FNIP1: variants seen among roughly 807,000 people sequenced by gnomAD.
The protein encoded by FNIP1 is folliculin-interacting protein 1.
Under a neutral mutation model 124.5 loss-of-function variants are expected in FNIP1, and 40 were observed. The observed-to-expected ratio is 0.32, with a 90% CI of 0.25 to 0.42. The LOEUF is 0.42. Ranked by LOEUF, FNIP1 falls within the 10% of genes least tolerant of loss-of-function variation. FNIP1 has a pLI of 1.00. For missense variants in FNIP1, 1,176 were observed against 1,403.7 expected (o/e 0.84, Z 2.59); for synonymous variants, 472 against 470.6 (o/e 1.00, Z -0.04).
chr5:131,766,669 G>A (rs1357942784), intron 1 of FNIP1, among the ~76,000 whole-genome samples: 1 of 152,194 alleles, frequency 6.6e-6, no homozygotes, highest in Admixed American at 6.5e-5. Flanking sequence ...CGAGATGCAA[G>A]CAGCATGGCT....
intron 1 of FNIP1, among the ~76,000 whole-genome samples, chr5:131,764,280 T>C (rs942230551): frequency 1.3e-5 from 2 of 151,680 alleles, no homozygotes; most frequent in Non-Finnish European, 2.9e-5. Flanking sequence ...TATTTCTTTA[T>C]AGCAATACAA....
At chr5:131,790,304 C>T (rs1286369553) in intron 1 of FNIP1, among the ~76,000 whole-genome samples, 4 of 151,972 alleles carry the variant, frequency 2.6e-5, no homozygotes, top group Admixed American at 2.6e-4. Flanking sequence ...CGTGGCGAAA[C>T]CCCGTGTCTA....
At chr5:131,703,989 A>T (rs1423534030) in intron 10 of FNIP1, 76 bp downstream of exon 10, 1 of 1,282,534 alleles carries the variant, frequency 7.8e-7, no homozygotes, top group Non-Finnish European at 1.1e-6. Flanking sequence ...TTTTTCTGCC[A>T]AATTAATAAA....
In FNIP1 at chr5:131,748,017, A is replaced by G. The variant is rs1170246870; in HGVS notation, c.93-3327T>C. Among the ~76,000 whole-genome samples the G allele has an allele frequency of 2.6e-5, 4 of 152,170 alleles. No homozygotes were observed. The East Asian group carries it at 7.8e-4, about 30-fold the overall frequency. On this transcript the variant is annotated intron_variant, in intron 1 of 17. Coordinates refer to ENST00000510461, the MANE Select transcript of FNIP1 (RefSeq NM_133372.3). ...CATGGGTGCAGAAAGATTTGTAGAT[A>G]TGAAGGTAAGGTGCGGAGGGAATCC...
chr5:131,699,916 C>CAAAA (rs3033727), intron 10 of FNIP1, among the ~76,000 whole-genome samples: 3,528 of 91,632 alleles, frequency 0.039, 162 homozygotes, highest in Non-Finnish European at 0.054. Context: ...AAGACTGTTT[C>CAAAA]AAAAAAAAAA....
At chr5:131,711,489 G>C (rs1415715175) in intron 6 of FNIP1, among the ~76,000 whole-genome samples, 1 of 152,206 alleles carries the variant, frequency 6.6e-6, no homozygotes, top group Admixed American at 6.5e-5. Flanking sequence ...AGTGACAATT[G>C]CATGTTTCTT....
chr5:131,665,722 T>C (rs1371716260), intron 15 of FNIP1, among the ~76,000 whole-genome samples: 2 of 151,056 alleles, frequency 1.3e-5, no homozygotes, highest in Non-Finnish European at 2.9e-5. Flanking sequence ...CCCGAGTAGC[T>C]GGGATTACAG....
In FNIP1 at chr5:131,643,897, A is replaced by T. The variant is rs546306925; in HGVS notation, c.*788T>A. 6.5e-6 allele frequency: 1 copy of T among 152,730 alleles called. No individual in the cohort carries two copies. Among genetic ancestry groups the T allele is most frequent in the South Asian group, 2.1e-4 (1 of 4,834 alleles). 9.5% of individuals were successfully genotyped at this position (152,730 alleles called of 1,614,324 possible). ...ATATTTATAAGAACAGTTCATACTT[A>T]TAAACAAATGGTATAAAGTAGTATT... On this transcript the variant is annotated 3_prime_UTR_variant, in exon 18 of 18. Coordinates refer to ENST00000510461, the MANE Select transcript of FNIP1 (RefSeq NM_133372.3).
At chr5:131,671,418 T>C in intron 14 of FNIP1, 87 bp downstream of exon 14, 1 of 1,119,810 alleles carries the variant, frequency 8.9e-7, no homozygotes, top group Non-Finnish European at 1.3e-6. Flanking sequence ...CAATGATCTC[T>C]TTTATACTAA....
chr5:131,646,720 T>C (rs546734833), intron 17 of FNIP1, among the ~76,000 whole-genome samples: 1 of 152,300 alleles, frequency 6.6e-6, no homozygotes, highest in Admixed American at 6.5e-5. Flanking sequence ...GGATAACGTA[T>C]TACCATCTAC....
chr5:131,743,490 C>T (rs1770576464), intron 2 of FNIP1, among the ~76,000 whole-genome samples: 1 of 151,430 alleles, frequency 6.6e-6, no homozygotes. Flanking sequence ...TGAGAGACAC[C>T]AACAGACACC....
At chr5:131,646,377 A>G (rs954074527) in intron 17 of FNIP1, among the ~76,000 whole-genome samples, 1 of 152,254 alleles carries the variant, frequency 6.6e-6, no homozygotes, top group East Asian at 1.9e-4. Flanking sequence ...AAATAACACT[A>G]GTAAAAAATT....
At chr5:131,762,719 G>A (rs1252562515) in intron 1 of FNIP1, among the ~76,000 whole-genome samples, 2 of 152,022 alleles carry the variant, frequency 1.3e-5, no homozygotes, top group African/African-American at 4.8e-5. Flanking sequence ...CAGAATTACT[G>A]TATGATACAG....
intron 15 of FNIP1, 127 bp from the exon 16 acceptor site, chr5:131,652,126 T>TC: frequency 1.3e-6 from 1 of 760,862 alleles, no homozygotes. Flanking sequence ...TTTCAATATC[T>TC]CCTTGACCAA....
intron 14 of FNIP1, 91 bp downstream of exon 14, chr5:131,671,414 T>G: frequency 9.6e-7 from 1 of 1,040,142 alleles, no homozygotes; most frequent in Non-Finnish European, 1.4e-6. Flanking sequence ...AGAACAATGA[T>G]CTCTTTTATA....
intron 1 of FNIP1, among the ~76,000 whole-genome samples, chr5:131,746,193 T>TTCTTA (rs1238401395): frequency 1.3e-5 from 2 of 152,082 alleles, no homozygotes; most frequent in South Asian, 4.1e-4. Context: ...ACAATACAAA[T>TTCTTA]GACAGGACAG....
At position 131,672,884 on chromosome 5, in the gene FNIP1, T is replaced by G. The variant is rs145682124; in HGVS notation, c.1560A>C (p.Ala520=). ...GTCGTTTGCCAACTACCACAGTCCT[T>G]GCTAACCGTACGGGAGAGCCAATAG... is the stretch of plus-strand genomic sequence containing the variant. ...YGAIGSPVRL[A]RTVVVGKRQD... The change falls in exon 14 of 18, where the codon GCA becomes GCC. Residue 520 remains alanine (A), a synonymous_variant. Coordinates refer to ENST00000510461, the MANE Select transcript of FNIP1 (RefSeq NM_133372.3). 2.0e-4 allele frequency: 318 copies of G among 1,594,302 alleles called. 2 individuals are homozygous for G. The African/African-American group carries it at 3.9e-3, about 19-fold the overall frequency.
At chr5:131,710,545 C>A in intron 7 of FNIP1, 33 bp downstream of exon 7, 2 of 1,601,724 alleles carry the variant, frequency 1.2e-6, no homozygotes, top group South Asian at 1.1e-5. Context: ...TTGGGGCACA[C>A]CAACTAGTCT....
At chr5:131,667,128 T>C (rs1767626589) in intron 15 of FNIP1, among the ~76,000 whole-genome samples, 1 of 152,238 alleles carries the variant, frequency 6.6e-6, no homozygotes, top group Non-Finnish European at 1.5e-5. Flanking sequence ...GAAGCAATAA[T>C]ACATTCAAGT....
Sources: gnomAD v4.1 joint callset for allele counts (sites outside exome capture counted in the v4.1 genomes callset) on GRCh38, gnomAD v4.1.1 for gene constraint, MANE v1.5 for transcripts, NCBI Gene and HGNC (gene_info 2026-07-23, HGNC 2026-07-21) for gene names.